The following FTCDNL1 variants were observed in gnomAD, a reference collection of about 807,000 sequenced individuals.
The protein encoded by FTCDNL1 is formiminotransferase cyclodeaminase N-terminal like, also known as formiminotransferase N-terminal subdomain-containing protein.
In FTCDNL1, 11 loss-of-function variants were observed where a neutral mutation model predicts 5.9. The ratio of observed to expected loss-of-function variants is 1.87; its 90% CI spans 1.18 to 3.10. FTCDNL1 has a LOEUF of 3.10. Ranked by LOEUF, FTCDNL1 falls within the 30% of genes most tolerant of loss-of-function variation. The probability of loss-of-function intolerance (pLI) is 0.00; values close to 1 mark genes in which losing one functional copy is unlikely to be tolerated. For synonymous variants in FTCDNL1, 58 were observed against 24.8 expected, an observed-to-expected ratio of 2.34 and a Z score of -3.99; for missense variants, 115 against 65.5, an observed-to-expected ratio of 1.76 and a Z score of -2.61.
chr2:199,714,137 A>G, the FTCDNL1 span, among the ~76,000 whole-genome samples: 1 of 152,240 alleles, frequency 6.6e-6, no homozygotes, highest in African/African-American at 2.4e-5. Flanking sequence ...TTTTGAGGAC[A>G]AAATACTGAT....
chr2:199,675,085 T>C, the FTCDNL1 span, among the ~76,000 whole-genome samples: 2 of 152,184 alleles, frequency 1.3e-5, no homozygotes, highest in African/African-American at 4.8e-5. Flanking sequence ...TTTCCATCTA[T>C]TGACCCCTTT....
intron 3 of FTCDNL1, among the ~76,000 whole-genome samples, chr2:199,763,797 G>A (rs1166601028): frequency 2.0e-5 from 3 of 152,076 alleles, no homozygotes; most frequent in Admixed American, 2.0e-4. Flanking sequence ...TCTAAGAGAA[G>A]TTTCCTCATC....
chr2:199,769,380 T>C (rs941204849), intron 3 of FTCDNL1, among the ~76,000 whole-genome samples: 2 of 152,140 alleles, frequency 1.3e-5, no homozygotes, highest in Non-Finnish European at 2.9e-5. Context: ...TGAGCTCTGA[T>C]AGTTTGATAA....
At chr2:199,775,912 C>CT (rs71019085) in intron 3 of FTCDNL1, among the ~76,000 whole-genome samples, 4,465 of 117,712 alleles carry the variant, frequency 0.038, 102 homozygotes, top group South Asian at 0.064. Flanking sequence ...GCAGGATCTC[C>CT]TTTTTTTTTT....
At position 199,824,302 on chromosome 2, in the gene FTCDNL1, T is replaced by C. The variant is rs114809515; in HGVS notation, c.212-4545A>G. 3.0e-3 allele frequency among the ~76,000 whole-genome samples: 464 copies of C among 152,340 alleles called. 2 individuals are homozygous for C. The highest frequency in any genetic ancestry group is 0.011 in the African/African-American group (442 of 41,570). On this transcript the variant is annotated intron_variant, in intron 3 of 4. Transcript: ENST00000420128. ...GTAGCATTGTCAGCTCTCTCACCCT[T>C]CACAGAATAGAGGAAGAATTACAGC... is the stretch of plus-strand genomic sequence containing the variant.
At chr2:199,752,050 A>G in the FTCDNL1 span, among the ~76,000 whole-genome samples, 1 of 152,190 alleles carries the variant, frequency 6.6e-6, no homozygotes, top group South Asian at 2.1e-4. Flanking sequence ...ACAGACAGTC[A>G]GAGAATGATG....
chr2:199,714,413 C>A, the FTCDNL1 span, among the ~76,000 whole-genome samples: 2 of 151,968 alleles, frequency 1.3e-5, no homozygotes, highest in South Asian at 4.2e-4. Context: ...ATTAAAGATA[C>A]ATATGGTGAC....
chr2:199,831,866 AACT>A (rs1414640735), intron 3 of FTCDNL1, among the ~76,000 whole-genome samples: 2 of 152,164 alleles, frequency 1.3e-5, no homozygotes, highest in African/African-American at 2.4e-5. Context: ...TGATAGAAAA[AACT>A]ACAAGTGAGT....
At chr2:199,762,910 G>T (rs1377071909) in intron 3 of FTCDNL1, among the ~76,000 whole-genome samples, 12 of 152,150 alleles carry the variant, frequency 7.9e-5, no homozygotes, top group Non-Finnish European at 2.9e-5. Context: ...GCAAGGTTCA[G>T]TGTTAACATA....
chr2:199,715,434 A>G, the FTCDNL1 span, among the ~76,000 whole-genome samples: 5 of 152,088 alleles, frequency 3.3e-5, no homozygotes, highest in Non-Finnish European at 5.9e-5. Context: ...TGATGGTTCT[A>G]TAAAAGGGCA....
chr2:199,813,197 A>G (rs1161409938), intron 4 of FTCDNL1, among the ~76,000 whole-genome samples: 1 of 152,240 alleles, frequency 6.6e-6, no homozygotes, highest in Non-Finnish European at 1.5e-5. Context: ...GAATAACACA[A>G]ATAAAAAACT....
chr2:199,701,831 T>A, the FTCDNL1 span, among the ~76,000 whole-genome samples: 1 of 152,078 alleles, frequency 6.6e-6, no homozygotes. Context: ...GGCCAGGAAT[T>A]TGAGACCAGC....
the FTCDNL1 span, among the ~76,000 whole-genome samples, chr2:199,747,392 A>T: frequency 8.5e-5 from 13 of 152,150 alleles, no homozygotes; most frequent in African/African-American, 3.1e-4. Flanking sequence ...TAACTATGGT[A>T]TATGGAGTGT....
the FTCDNL1 span, among the ~76,000 whole-genome samples, chr2:199,688,975 G>A: frequency 1.3e-5 from 2 of 152,170 alleles, no homozygotes; most frequent in African/African-American, 4.8e-5. Context: ...CTTCAACCTT[G>A]GAGGCAGAGT....
chr2:199,796,955 A>C (rs2106384731), intron 3 of FTCDNL1, among the ~76,000 whole-genome samples: 1 of 152,272 alleles, frequency 6.6e-6, no homozygotes, highest in Non-Finnish European at 1.5e-5. Flanking sequence ...TTGGCAGTCA[A>C]AAATCTCTCC....
chr2:199,761,252 C>T (rs1048671115), intron 3 of FTCDNL1, among the ~76,000 whole-genome samples: 13 of 152,216 alleles, frequency 8.5e-5, no homozygotes, highest in African/African-American at 3.1e-4. Context: ...CACATCAGGT[C>T]CTGCACAACC....
At chr2:199,715,371 G>C in the FTCDNL1 span, among the ~76,000 whole-genome samples, 13 of 152,178 alleles carry the variant, frequency 8.5e-5, 1 homozygote, top group Admixed American at 3.3e-4. Context: ...TGAATCATGG[G>C]GGTGGGTTTT....
chr2:199,806,765 C>T (rs1282705042), downstream of FTCDNL1, among the ~76,000 whole-genome samples: 9 of 152,200 alleles, frequency 5.9e-5, no homozygotes, highest in Admixed American at 5.9e-4. Context: ...CTCTCCCCTG[C>T]ACCCCACACA....
intron 3 of FTCDNL1, among the ~76,000 whole-genome samples, chr2:199,792,057 G>A (rs186674246): frequency 3.3e-5 from 5 of 151,194 alleles, no homozygotes; most frequent in East Asian, 1.9e-4. Flanking sequence ...CTTTTCCTCC[G>A]TTTTGCCTTA....
Sources: gnomAD v4.1 joint callset for allele counts (sites outside exome capture counted in the v4.1 genomes callset) on GRCh38, gnomAD v4.1.1 for gene constraint, MANE v1.5 for transcripts, NCBI Gene and HGNC (gene_info 2026-07-23, HGNC 2026-07-21) for gene names.